Variants in FSTL4 observed in about 807,000 individuals in gnomAD.
The protein encoded by FSTL4 is follistatin-related protein 4.
In FSTL4, 28 loss-of-function variants were observed where a neutral mutation model predicts 78.2. That is an observed-to-expected ratio of 0.36 (90% confidence interval 0.27 to 0.49). The LOEUF (loss-of-function observed/expected upper bound fraction) is 0.49, where lower values mean the gene tolerates loss of function less well. FSTL4 is among the 20% of genes least tolerant of loss of function. FSTL4 has a pLI of 0.98. For synonymous variants in FSTL4, 422 were observed against 440.5 expected, an observed-to-expected ratio of 0.96 and a Z score of 0.53; for missense variants, 922 against 1,084.9, an observed-to-expected ratio of 0.85 and a Z score of 2.11.
chr5:133,670,586 T>C, the FSTL4 span, among the ~76,000 whole-genome samples: 1 of 152,248 alleles, frequency 6.6e-6, no homozygotes, highest in Non-Finnish European at 1.5e-5. Context: ...GAGTAGTAAC[T>C]AACCTGTTTC....
chr5:133,215,178 A>ATC (rs1750866911), intron 13 of FSTL4, among the ~76,000 whole-genome samples: 1 of 152,132 alleles, frequency 6.6e-6, no homozygotes, highest in Admixed American at 6.5e-5. Flanking sequence ...CTTCAAGAAT[A>ATC]TCTCTCTTTA....
At chr5:133,705,801 C>A in the FSTL4 span, among the ~76,000 whole-genome samples, 11 of 151,864 alleles carry the variant, frequency 7.2e-5, no homozygotes, top group African/African-American at 2.7e-4. Context: ...TATTCAGGAT[C>A]CAAATCAAGT....
intron 2 of FSTL4, among the ~76,000 whole-genome samples, chr5:133,571,604 G>GCT (rs943917971): frequency 2.8e-4 from 42 of 152,166 alleles, no homozygotes; most frequent in African/African-American, 9.4e-4. Flanking sequence ...ACTGTAAAAT[G>GCT]CTCAGGTGAT....
chr5:133,645,524 G>T, the FSTL4 span, among the ~76,000 whole-genome samples: 1 of 152,078 alleles, frequency 6.6e-6, no homozygotes, highest in African/African-American at 2.4e-5. Context: ...AACTGACTAG[G>T]TGCCTGGCAC....
chr5:133,232,917 C>T (rs560320859), intron 8 of FSTL4, among the ~76,000 whole-genome samples: 1 of 152,322 alleles, frequency 6.6e-6, no homozygotes, highest in South Asian at 2.1e-4. Context: ...AGTTTCTGTC[C>T]TGGCTTGGCT....
chr5:133,244,961 A>T (rs1358356864), intron 7 of FSTL4: 1 of 152,170 alleles, frequency 6.6e-6, no homozygotes, highest in African/African-American at 2.4e-5. Flanking sequence ...TCTACAAAAA[A>T]ATAAAAAAAT....
At chr5:133,494,324 T>A (rs1758327655) in intron 3 of FSTL4, among the ~76,000 whole-genome samples, 1 of 152,002 alleles carries the variant, frequency 6.6e-6, no homozygotes, top group Non-Finnish European at 1.5e-5. Flanking sequence ...CACTATGTTA[T>A]CCTGCCTAAG....
chr5:133,826,927 T>C, the FSTL4 span, among the ~76,000 whole-genome samples: 6 of 152,186 alleles, frequency 3.9e-5, no homozygotes, highest in Non-Finnish European at 8.8e-5. Flanking sequence ...GTGATTCCAA[T>C]AACAGGGCCC....
chr5:133,429,119 C>A (rs1321232850), intron 3 of FSTL4, among the ~76,000 whole-genome samples: 2 of 152,144 alleles, frequency 1.3e-5, no homozygotes, highest in African/African-American at 2.4e-5. Flanking sequence ...AGGGCCCTAA[C>A]CTGGGTCCCA....
the FSTL4 span, among the ~76,000 whole-genome samples, chr5:133,823,212 T>G: frequency 6.6e-6 from 1 of 152,142 alleles, no homozygotes; most frequent in Non-Finnish European, 1.5e-5. Context: ...GGGCCATTCA[T>G]AGGTCCCAAT....
chr5:133,262,186 T>C (rs1752546089), intron 6 of FSTL4, among the ~76,000 whole-genome samples: 1 of 152,164 alleles, frequency 6.6e-6, no homozygotes, highest in East Asian at 1.9e-4. Context: ...AGATAAGCAA[T>C]GCTGGAACAA....
intron 3 of FSTL4, among the ~76,000 whole-genome samples, chr5:133,409,692 A>G (rs1023970075): frequency 6.6e-6 from 1 of 152,236 alleles, no homozygotes; most frequent in African/African-American, 2.4e-5. Context: ...GCTCAGCACC[A>G]GGCCTGGCAC....
chr5:133,728,395 C>G, the FSTL4 span, among the ~76,000 whole-genome samples: 1 of 152,198 alleles, frequency 6.6e-6, no homozygotes, highest in African/African-American at 2.4e-5. Context: ...TACCTTCAAC[C>G]AGGGAAGTAG....
At chr5:133,625,487 C>T in the FSTL4 span, among the ~76,000 whole-genome samples, 1 of 151,046 alleles carries the variant, frequency 6.6e-6, no homozygotes, top group African/African-American at 2.4e-5. Flanking sequence ...TATTGGTAAT[C>T]TGTGCCTTCT....
chr5:133,539,461 G>A (rs1322363163), intron 3 of FSTL4, among the ~76,000 whole-genome samples: 1 of 152,106 alleles, frequency 6.6e-6, no homozygotes, highest in Non-Finnish European at 1.5e-5. Flanking sequence ...CTGAAGACCT[G>A]TAAACACTCA....
chr5:133,197,660 G>A lies in FSTL4; in HGVS notation c.*1435C>T, dbSNP rs945963015. On this transcript the variant is annotated 3_prime_UTR_variant, in exon 16 of 16. Transcript: ENST00000265342. ...CCTGGTCATGTCAGTAGGTGAAGGT[G>A]GCCAAATTAGCAAAGACGTCTGTGG... is the stretch of plus-strand genomic sequence containing the variant. 1 of 152,376 alleles carries A rather than the reference G, an allele frequency of 6.6e-6. No homozygotes were observed. The highest frequency in any genetic ancestry group is 1.5e-5 in the Non-Finnish European group (1 of 68,058). The allele number at this position is 152,376 out of a possible 1,614,324, so 9.4% of individuals were successfully genotyped here.
chr5:133,812,286 A>G, the FSTL4 span, among the ~76,000 whole-genome samples: 4 of 152,162 alleles, frequency 2.6e-5, no homozygotes, highest in Non-Finnish European at 5.9e-5. Context: ...ACCCTCCACT[A>G]AGGGGCCAGA....
chr5:133,221,118 G>A (rs1335603779), intron 11 of FSTL4: 21 of 578,392 alleles, frequency 3.6e-5, no homozygotes, highest in Admixed American at 1.4e-4. Context: ...GTCATCTAGA[G>A]TTGGCCACAG....
At chr5:133,477,747 C>T (rs528592078) in intron 3 of FSTL4, among the ~76,000 whole-genome samples, 8 of 152,316 alleles carry the variant, frequency 5.3e-5, no homozygotes, top group African/African-American at 1.7e-4. Context: ...TTTCTGAAAG[C>T]ATCTTCTTCA....
Sources: gnomAD v4.1 joint callset for allele counts (sites outside exome capture counted in the v4.1 genomes callset) on GRCh38, gnomAD v4.1.1 for gene constraint, MANE v1.5 for transcripts, NCBI Gene and HGNC (gene_info 2026-07-23, HGNC 2026-07-21) for gene names.